RAB3D: variants seen among roughly 807,000 people sequenced by gnomAD.
The protein encoded by RAB3D is RAB3D, member RAS oncogene family.
Under a neutral mutation model 19.3 loss-of-function variants are expected in RAB3D, and 17 were observed. The observed-to-expected ratio is 0.88, with a 90% CI of 0.60 to 1.32. The LOEUF is 1.32. Ranked by LOEUF, RAB3D falls within the 40% of genes most tolerant of loss-of-function variation. The pLI is 0.00. For synonymous variants in RAB3D, 103 were observed against 119.9 expected, an observed-to-expected ratio of 0.86 and a Z score of 0.92; for missense variants, 223 against 299.1, an observed-to-expected ratio of 0.75 and a Z score of 1.88.
At chr19:11,336,223 G>A (rs990692179) in intron 2 of RAB3D, among the ~76,000 whole-genome samples, 2 of 152,180 alleles carry the variant, frequency 1.3e-5, no homozygotes, top group South Asian at 2.1e-4. Flanking sequence ...GACCAGGTCG[G>A]TCCAATGGGG....
At chr19:11,326,010 C>T (rs2080810728) in intron 4 of RAB3D, among the ~76,000 whole-genome samples, 1 of 152,034 alleles carries the variant, frequency 6.6e-6, no homozygotes, top group South Asian at 2.1e-4. Flanking sequence ...CATTTGAGGT[C>T]AGGAGTTCAA....
chr19:11,338,155 CA>C (rs35197061), intron 1 of RAB3D, among the ~76,000 whole-genome samples: 1 of 152,102 alleles, frequency 6.6e-6, no homozygotes, highest in Non-Finnish European at 1.5e-5. Context: ...AGCTGGGGCA[CA>C]AAAAATGTGA....
chr19:11,325,744 C>T (rs906903169), intron 4 of RAB3D, among the ~76,000 whole-genome samples, 159 bp from the exon 5 acceptor site: 8 of 152,126 alleles, frequency 5.3e-5, no homozygotes, highest in African/African-American at 1.9e-4. Context: ...AGTTTGCTCA[C>T]CTGTAAAATG....
intron 4 of RAB3D, among the ~76,000 whole-genome samples, chr19:11,332,905 T>C (rs534362801): frequency 6.6e-6 from 1 of 151,662 alleles, no homozygotes. Context: ...TCTTGCCTCA[T>C]GTGTCCAAAG....
intron 4 of RAB3D, among the ~76,000 whole-genome samples, chr19:11,329,099 TA>T (rs1202494328): frequency 6.6e-6 from 1 of 151,842 alleles, no homozygotes; most frequent in Non-Finnish European, 1.5e-5. Flanking sequence ...TGGTATTTTT[TA>T]TAGGGGTGGG....
intron 1 of RAB3D, among the ~76,000 whole-genome samples, chr19:11,338,869 C>A (rs1966922895): frequency 6.6e-6 from 1 of 152,238 alleles, no homozygotes; most frequent in Non-Finnish European, 1.5e-5. Context: ...ACCCTCATAA[C>A]CTCTCCCAGG....
At chr19:11,330,155 A>G (rs1018438509) in intron 4 of RAB3D, among the ~76,000 whole-genome samples, 12 of 152,282 alleles carry the variant, frequency 7.9e-5, no homozygotes, top group African/African-American at 2.9e-4. Context: ...GCCCTGCCCC[A>G]CAGAACAGAG....
chr19:11,339,558 G>A lies in RAB3D; in HGVS notation c.-151C>T, dbSNP rs918903723. ...CGCCGCCTGCAGGGGTTCCGCCTGT[G>A]AACTCGCTGCGGCTTGGCCCTGGCC... On this transcript the variant is annotated 5_prime_UTR_variant, in exon 1 of 5. Transcript: ENST00000222120. 1 of 152,356 alleles carries A rather than the reference G, an allele frequency of 6.6e-6. No individual in the cohort carries two copies. Among genetic ancestry groups the A allele is most frequent in the Non-Finnish European group, 1.5e-5 (1 of 68,174 alleles). The allele number at this position is 152,356 out of a possible 1,614,324, so 9.4% of individuals were successfully genotyped here.
chr19:11,325,671 C>T, intron 4 of RAB3D, 86 bp from the exon 5 acceptor site: 2 of 1,301,460 alleles, frequency 1.5e-6, no homozygotes, highest in Non-Finnish European at 2.1e-6. Context: ...GGCTTCTAAG[C>T]CTAGTTCTGC....
At chr19:11,339,188 C>T (rs1486975408) in intron 1 of RAB3D, among the ~76,000 whole-genome samples, 1 of 152,170 alleles carries the variant, frequency 6.6e-6, no homozygotes, top group Non-Finnish European at 1.5e-5. Flanking sequence ...TCTTTCTAAC[C>T]ATCTGCCGAC....
chr19:11,335,200 G>A (rs966347270), intron 4 of RAB3D, among the ~76,000 whole-genome samples: 3 of 152,200 alleles, frequency 2.0e-5, no homozygotes, highest in African/African-American at 4.8e-5. Context: ...TCCCACATGG[G>A]TGAGGATATC....
At chr19:11,329,261 T>A (rs2080827494) in intron 4 of RAB3D, among the ~76,000 whole-genome samples, 3 of 152,066 alleles carry the variant, frequency 2.0e-5, no homozygotes, top group Non-Finnish European at 4.4e-5. Context: ...TGGGGTTAGG[T>A]TTGTAGGGGA....
rs138328892 is a variant in RAB3D, at chr19:11,338,950, G to C, written c.-62+519C>G. 8.8e-3 allele frequency among the ~76,000 whole-genome samples: 1,338 copies of C among 152,374 alleles called. 23 individuals are homozygous for C. The highest frequency in any genetic ancestry group is 0.03 in the African/African-American group (1,261 of 41,588). On this transcript the variant is annotated intron_variant, in intron 1 of 4. Transcript: ENST00000222120. ...AGAGGCTGCAGAAGGCCTGGATGCA[G>C]GCGGGGCAGAGGCAGAGACAGCCCT...
rs1345534704 is a variant in RAB3D, at chr19:11,325,165, TC to T, written c.*232del. On this transcript the variant is annotated 3_prime_UTR_variant, in exon 5 of 5. Coordinates refer to ENST00000222120, the MANE Select transcript of RAB3D (RefSeq NM_004283.4). ...TCATGCACGTCAGTGTCCCTGGGCC[TC>T]TGCCTGCCATGCAGAGCTGAGTCCC... is the stretch of plus-strand genomic sequence containing the variant. 27 of 482,062 alleles carry T rather than the reference TC, an allele frequency of 5.6e-5. No homozygotes were observed. In the East Asian group the frequency reaches 7.0e-4, roughly 13 times the overall value. 29.9% of individuals were successfully genotyped at this position (482,062 alleles called of 1,614,324 possible).
intron 4 of RAB3D, among the ~76,000 whole-genome samples, chr19:11,330,855 A>T (rs553054750): frequency 4.0e-4 from 61 of 151,258 alleles, no homozygotes; most frequent in Admixed American, 2.0e-3. Context: ...CGGCAAAAAA[A>T]TTTTTTTTTA....
At position 11,331,793 on chromosome 19, in the gene RAB3D, A is replaced by G. The variant is rs182998891; in HGVS notation, c.472+3654T>C. On this transcript the variant is annotated intron_variant, in intron 4 of 4. Transcript: ENST00000222120. ...ACCACTGTACTCCAGCCTGGGTGAA[A>G]GAGTGAGGCTCTGTCTCTATTATTT... is the stretch of plus-strand genomic sequence containing the variant. 1.8e-4 allele frequency among the ~76,000 whole-genome samples: 28 copies of G among 151,772 alleles called. 1 individual carries two copies. The highest frequency in any genetic ancestry group is 6.8e-3 in the Middle Eastern group (2 of 294).
intron 4 of RAB3D, chr19:11,326,680 T>C: frequency 3.1e-6 from 2 of 645,332 alleles, no homozygotes; most frequent in Non-Finnish European, 5.6e-6. Context: ...CATGGCTCAT[T>C]GCAGCCTCAA....
intron 4 of RAB3D, among the ~76,000 whole-genome samples, chr19:11,327,456 C>G (rs571876497): frequency 6.6e-6 from 1 of 152,130 alleles, no homozygotes; most frequent in Non-Finnish European, 1.5e-5. Flanking sequence ...TGGAGTGTAA[C>G]GGCACGATCT....
intron 2 of RAB3D, among the ~76,000 whole-genome samples, chr19:11,336,760 G>A (rs1966898687): frequency 6.6e-6 from 1 of 151,908 alleles, no homozygotes; most frequent in African/African-American, 2.4e-5. Context: ...CACGAGGTCA[G>A]GAGTTCGAGA....
Sources: allele counts gnomAD v4.1 joint callset (sites outside exome capture counted in the v4.1 genomes callset), GRCh38; gene constraint gnomAD v4.1.1; transcripts MANE v1.5; gene names NCBI Gene and HGNC (gene_info 2026-07-23, HGNC 2026-07-21).